IMMP2L: variants seen among roughly 807,000 people sequenced by gnomAD.
The protein encoded by IMMP2L is inner mitochondrial membrane peptidase subunit 2.
In IMMP2L, 18 loss-of-function variants were observed where a neutral mutation model predicts 19.3. The ratio of observed to expected loss-of-function variants is 0.93; its 90% CI spans 0.64 to 1.38. The LOEUF is 1.38. Ranked by LOEUF, IMMP2L falls within the 40% of genes most tolerant of loss-of-function variation. The pLI is 0.00. For missense variants in IMMP2L, 233 were observed against 218.2 expected (o/e 1.07, Z -0.43); for synonymous variants, 76 against 73.0 (o/e 1.04, Z -0.21).
At chr7:110,844,494 A>G (rs1805446754) in intron 5 of IMMP2L, among the ~76,000 whole-genome samples, 1 of 152,024 alleles carries the variant, frequency 6.6e-6, no homozygotes, top group Admixed American at 6.6e-5. Flanking sequence ...AGAAAAAAAG[A>G]AAACGGAGAA....
At chr7:111,556,639 T>A (rs956845509) in intron 1 of IMMP2L, among the ~76,000 whole-genome samples, 9 of 152,114 alleles carry the variant, frequency 5.9e-5, no homozygotes, top group Non-Finnish European at 1.0e-4. Flanking sequence ...ACAATCATCA[T>A]CATACTTAAT....
chr7:111,270,275 A>T (rs1369266022), intron 3 of IMMP2L, among the ~76,000 whole-genome samples: 1 of 152,192 alleles, frequency 6.6e-6, no homozygotes, highest in African/African-American at 2.4e-5. Context: ...CCATTACTTG[A>T]AAGTTATCAT....
intron 3 of IMMP2L, chr7:111,392,089 T>A (rs559394195): frequency 4.5e-6 from 3 of 662,348 alleles, no homozygotes; most frequent in South Asian, 3.3e-5. Flanking sequence ...ATGTGCAAAC[T>A]ATATTTTCTC....
At chr7:111,298,391 C>G (rs1259078713) in intron 3 of IMMP2L, among the ~76,000 whole-genome samples, 1 of 152,062 alleles carries the variant, frequency 6.6e-6, no homozygotes, top group African/African-American at 2.4e-5. Context: ...ATTAATGTTG[C>G]TAAAAGCTTA....
rs138777842 is a variant in IMMP2L, at chr7:110,967,310, GA to G, written c.240-3746del. Among the ~76,000 whole-genome samples the G allele has an allele frequency of 2.6e-3, 400 of 152,106 alleles. 12 individuals carry two copies. The East Asian group carries it at 0.048, about 18-fold the overall frequency. ...AATTTTCACCCTGTTGGGAGCACTT[GA>G]AAGCTACTTTGGCATACTCAAGAGA... On this transcript the variant is annotated intron_variant, in intron 3 of 5. Coordinates refer to ENST00000405709, the MANE Select transcript of IMMP2L (RefSeq NM_032549.4).
At chr7:110,864,260 T>A (rs1190055999) in intron 5 of IMMP2L, among the ~76,000 whole-genome samples, 1 of 152,002 alleles carries the variant, frequency 6.6e-6, no homozygotes, top group African/African-American at 2.4e-5. Context: ...TAAATTGAAA[T>A]AAAGTTAGTA....
chr7:111,444,175 A>G (rs1011555949), intron 3 of IMMP2L, among the ~76,000 whole-genome samples: 6 of 152,062 alleles, frequency 3.9e-5, no homozygotes, highest in Non-Finnish European at 8.8e-5. Context: ...TTCATTAATT[A>G]CATTGTCCTT....
At chr7:111,418,332 A>G (rs1418702645) in intron 3 of IMMP2L, among the ~76,000 whole-genome samples, 1 of 151,788 alleles carries the variant, frequency 6.6e-6, no homozygotes, top group Non-Finnish European at 1.5e-5. Context: ...CTAGAAAATT[A>G]TGTCTTGATT....
chr7:110,667,022 C>G (rs1352058679), intron 5 of IMMP2L, among the ~76,000 whole-genome samples: 3 of 152,140 alleles, frequency 2.0e-5, no homozygotes, highest in Non-Finnish European at 2.9e-5. Flanking sequence ...CGGGCACCAG[C>G]CACCACGCCC....
chr7:110,919,687 A>T (rs1280014872), intron 4 of IMMP2L, among the ~76,000 whole-genome samples: 1 of 152,042 alleles, frequency 6.6e-6, no homozygotes, highest in Non-Finnish European at 1.5e-5. Context: ...TCTTGAAAAA[A>T]AAATATTCTA....
chr7:110,893,194 A>C (rs1810981767), intron 4 of IMMP2L, among the ~76,000 whole-genome samples: 1 of 152,182 alleles, frequency 6.6e-6, no homozygotes, highest in South Asian at 2.1e-4. Context: ...ACCTTAATTT[A>C]AAAATATTTT....
At chr7:110,855,163 G>GA (rs1806632238) in intron 5 of IMMP2L, among the ~76,000 whole-genome samples, 1 of 151,818 alleles carries the variant, frequency 6.6e-6, no homozygotes, top group Non-Finnish European at 1.5e-5. Context: ...AATATATGGG[G>GA]AAAAATTTAT....
At chr7:111,369,799 T>C (rs539306404) in intron 3 of IMMP2L, among the ~76,000 whole-genome samples, 29 of 152,082 alleles carry the variant, frequency 1.9e-4, no homozygotes, top group Admixed American at 1.1e-3. Flanking sequence ...GGCTTAGATA[T>C]ACTATTTGTT....
At chr7:111,474,959 C>T (rs757954060) in intron 3 of IMMP2L, among the ~76,000 whole-genome samples, 23 of 151,988 alleles carry the variant, frequency 1.5e-4, no homozygotes, top group South Asian at 2.1e-4. Context: ...TAATACTATA[C>T]GGTAACTTTC....
chr7:110,663,585 C>G lies in IMMP2L; in HGVS notation c.*17G>C. The stretch of plus-strand genomic sequence containing the variant: ...AACTGGCCTCCCAATGCCAGCAACT[C>G]AGGTAGATTCATGCAGTCATTCCTC... On this transcript the variant is annotated 3_prime_UTR_variant, in exon 6 of 6. Transcript: ENST00000405709. 1.2e-6 allele frequency: 2 copies of G among 1,612,982 alleles called. No individual in the cohort carries two copies. Among genetic ancestry groups the G allele is most frequent in the Non-Finnish European group, 1.7e-6 (2 of 1,179,272 alleles).
At chr7:110,813,303 T>C (rs10046548) in intron 5 of IMMP2L, among the ~76,000 whole-genome samples, 33,415 of 152,014 alleles carry the variant, frequency 0.22, 4,385 homozygotes, top group African/African-American at 0.36. Context: ...TTCCTTTTTT[T>C]ATTTGGTCCT....
At chr7:111,299,537 GT>G (rs1821987774) in intron 3 of IMMP2L, among the ~76,000 whole-genome samples, 1 of 148,992 alleles carries the variant, frequency 6.7e-6, no homozygotes. Context: ...TATTAGTGGG[GT>G]TTTCCCAGAT....
At chr7:111,545,840 C>G (rs979189861) in intron 1 of IMMP2L, among the ~76,000 whole-genome samples, 4 of 152,054 alleles carry the variant, frequency 2.6e-5, no homozygotes, top group Non-Finnish European at 5.9e-5. Flanking sequence ...AAGAGGAATA[C>G]AATGGAAAAT....
chr7:111,545,876 C>T (rs929224892), intron 1 of IMMP2L, among the ~76,000 whole-genome samples: 7 of 152,110 alleles, frequency 4.6e-5, no homozygotes, highest in South Asian at 2.1e-4. Context: ...TCTTCAGCTA[C>T]GAAGTTCCAA....
Sources: allele counts gnomAD v4.1 joint callset (sites outside exome capture counted in the v4.1 genomes callset), GRCh38; gene constraint gnomAD v4.1.1; transcripts MANE v1.5; gene names NCBI Gene and HGNC (gene_info 2026-07-23, HGNC 2026-07-21).